Variants in KLHL22 observed in about 807,000 individuals in gnomAD.
The protein encoded by KLHL22 is kelch like family member 22, also known as kelch-like protein 22.
Under a neutral mutation model 60.7 loss-of-function variants are expected in KLHL22, and 18 were observed. That is an observed-to-expected ratio of 0.30 (90% CI 0.20 to 0.44). KLHL22 has a LOEUF of 0.44. Among genes scored for constraint, KLHL22 ranks in the 20% least tolerant of loss-of-function variants. The pLI, the probability that KLHL22 is intolerant of heterozygous loss-of-function variation, is 1.00. For missense variants in KLHL22, 596 were observed against 852.3 expected (o/e 0.70, Z 3.74); for synonymous variants, 355 against 354.5 (o/e 1.00, Z -0.01).
intron 5 of KLHL22, chr22:20,450,503 A>C: frequency 6.2e-7 from 1 of 1,614,128 alleles, no homozygotes; most frequent in Non-Finnish European, 8.5e-7. Flanking sequence ...TTAGAAAGTC[A>C]GTTGGACCCT....
intron 5 of KLHL22, chr22:20,451,850 T>TGTTGG (rs1569124372): frequency 1.3e-6 from 2 of 1,588,054 alleles, no homozygotes; most frequent in East Asian, 2.2e-5. Context: ...CATCCAGAGC[T>TGTTGG]AGTGACCAGT....
intron 4 of KLHL22, among the ~76,000 whole-genome samples, chr22:20,459,035 G>T (rs934570854): frequency 2.6e-5 from 4 of 152,176 alleles, no homozygotes; most frequent in East Asian, 1.9e-4. Context: ...CCAACAGGGA[G>T]CATGGCCTGC....
At chr22:20,455,447 C>G (rs997897618) in intron 5 of KLHL22, among the ~76,000 whole-genome samples, 1 of 152,222 alleles carries the variant, frequency 6.6e-6, no homozygotes, top group African/African-American at 2.4e-5. Flanking sequence ...AGCCCCTCTC[C>G]TGCCCTGGAA....
chr22:20,465,624 C>G lies in KLHL22; in HGVS notation c.394-48G>C. 1 of 929,134 alleles carries G rather than the reference C, an allele frequency of 1.1e-6. No homozygotes were observed. Among genetic ancestry groups the G allele is most frequent in the Middle Eastern group, 2.1e-4 (1 of 4,764 alleles). The allele number at this position is 929,134 out of a possible 1,614,324, so 57.6% of individuals were successfully genotyped here. A position where few individuals can be genotyped will look rare whatever the true frequency, so the allele number is the denominator to read the frequency against. On this transcript the variant is annotated intron_variant, in intron 3 of 6. Transcript: ENST00000328879. This position sits in a 1 kb window ranked among gnomAD's most constrained non-coding sequence, Gnocchi z 4.9. ...TCAAGCCTGGGCTGGTGAACAGCAT[C>G]TGGGGGTGGGAGAGAGAATGATGGC...
At chr22:20,466,599 C>T (rs543884662) in intron 3 of KLHL22, among the ~76,000 whole-genome samples, 21 of 152,270 alleles carry the variant, frequency 1.4e-4, no homozygotes, top group African/African-American at 5.1e-4. Context: ...CCTAGAAGTG[C>T]TCAGAGCCTC....
chr22:20,458,273 CTTTTTTTT>C (rs35379911), intron 4 of KLHL22, among the ~76,000 whole-genome samples: 5 of 76,512 alleles, frequency 6.5e-5, no homozygotes, highest in African/African-American at 1.2e-4. Flanking sequence ...TCCAATGGCT[CTTTTTTTT>C]TTTTTTTTTT....
chr22:20,458,067 T>A (rs2053092224), intron 4 of KLHL22, 67 bp from the exon 5 acceptor site: 1 of 1,549,202 alleles, frequency 6.5e-7, no homozygotes, highest in Admixed American at 1.8e-5. Context: ...GGCTTGCACC[T>A]CTTGTTCTGG....
chr22:20,489,898 G>A (rs2053655363), intron 1 of KLHL22: 1 of 423,102 alleles, frequency 2.4e-6, no homozygotes, highest in South Asian at 1.7e-5. Flanking sequence ...TGAACCTGAT[G>A]CATTTAAATT....
rs1275722165 is a variant in KLHL22, at chr22:20,453,073, T to G, written c.1305+4735A>C. On this transcript the variant is annotated intron_variant, in intron 5 of 6. Coordinates refer to ENST00000328879, the MANE Select transcript of KLHL22 (RefSeq NM_032775.4). ...TTCAATGTTCCTCTGTGTCATGGAG[T>G]GAAATTCTTGTTTTATGGGTATTGG... Among the ~76,000 whole-genome samples, 5 of 152,140 alleles carry G rather than the reference T, an allele frequency of 3.3e-5. No individual in the cohort carries two copies. In the East Asian group the frequency reaches 9.6e-4, roughly 29 times the overall value.
rs559573125 is a variant in KLHL22, at chr22:20,451,569, A to G, written c.1306-4893T>C. The G allele has an allele frequency of 6.2e-5, 99 of 1,596,776 alleles. No homozygotes were observed. In the East Asian group the frequency reaches 2.2e-3, roughly 36 times the overall value. On this transcript the variant is annotated intron_variant, in intron 5 of 6. Coordinates refer to ENST00000328879, the MANE Select transcript of KLHL22 (RefSeq NM_032775.4). ...ATGTGGTGGGGAGATTTGATGGTACAGCCCACCTTTCTTCCGTTGAAGCAT... is the reference window on the plus strand; with the variant it reads ...ATGTGGTGGGGAGATTTGATGGTACGGCCCACCTTTCTTCCGTTGAAGCAT...
Position 20,479,719 on chromosome 22 carries a change from C to A in KLHL22, c.228-8204G>T, listed in dbSNP as rs1359438021. Among the ~76,000 whole-genome samples, 5 of 152,148 alleles carry A rather than the reference C, an allele frequency of 3.3e-5. No homozygotes were observed. The East Asian group carries it at 9.7e-4, about 29-fold the overall frequency. ...TCAAAAAACAAAACAAACAAAAAAC[C>A]AGAAAATAACAAGCTTTAGCAAGGA... On this transcript the variant is annotated intron_variant, in intron 2 of 6. Coordinates refer to ENST00000328879, the MANE Select transcript of KLHL22 (RefSeq NM_032775.4).
chr22:20,451,005 C>A, intron 5 of KLHL22: 2 of 1,541,366 alleles, frequency 1.3e-6, no homozygotes, highest in South Asian at 1.1e-5. Context: ...AGTCTCCCAT[C>A]GATGCAGTAG....
chr22:20,447,544 CTTTT>C (rs11463939), intron 5 of KLHL22, among the ~76,000 whole-genome samples: 7 of 135,436 alleles, frequency 5.2e-5, no homozygotes, highest in African/African-American at 1.6e-4. Context: ...GGAGGTTTTT[CTTTT>C]TTTTTTTTTT....
At position 20,464,948 on chromosome 22, in the gene KLHL22, T is replaced by C. The variant is rs1172960193; in HGVS notation, c.1022A>G (p.Asn341Ser). 4 of 1,604,924 alleles carry C rather than the reference T, an allele frequency of 2.5e-6. No homozygotes were observed. The highest frequency in any genetic ancestry group is 3.4e-6 in the Non-Finnish European group (4 of 1,175,614). The part of the protein sequence containing the change: ...FTASLAPRMS[N>S]QGIAVLNNFV... Reference sequence around the variant, plus strand: ...GTTGTTGAGCACCGCGATGCCCTGGTTGGACATGCGGGGGGCCAGGGAGGC... The same window carrying C: ...GTTGTTGAGCACCGCGATGCCCTGGCTGGACATGCGGGGGGCCAGGGAGGC... Residue 341 changes from asparagine to serine, a missense_variant, in exon 4 of 7, where the codon AAC (asparagine) becomes AGC (serine). Asn to Ser is a conservative substitution (Grantham distance 46). Transcript: ENST00000328879.
intron 6 of KLHL22, 84 bp downstream of exon 6, chr22:20,446,359 C>A: frequency 1.2e-6 from 1 of 837,862 alleles, no homozygotes; most frequent in Non-Finnish European, 2.0e-6. Flanking sequence ...TTAAAAGGCA[C>A]ATGATTCAAT....
intron 4 of KLHL22, among the ~76,000 whole-genome samples, chr22:20,459,178 G>T (rs2053115111): frequency 6.6e-6 from 1 of 152,232 alleles, no homozygotes; most frequent in South Asian, 2.1e-4. Flanking sequence ...TTTTATTTCT[G>T]CAGAGGAAGA....
intron 2 of KLHL22, chr22:20,483,771 AT>A: frequency 1.4e-6 from 1 of 739,460 alleles, no homozygotes. Context: ...GTGCTTCTGG[AT>A]TTTGCTCTCC....
At chr22:20,477,476 C>T (rs975592014) in intron 2 of KLHL22, among the ~76,000 whole-genome samples, 6 of 151,982 alleles carry the variant, frequency 3.9e-5, no homozygotes, top group Admixed American at 3.3e-4. Context: ...CATGGTGGCA[C>T]GCATCCATAA....
At chr22:20,458,048 T>C in intron 4 of KLHL22, 48 bp from the exon 5 acceptor site, 1 of 1,599,048 alleles carries the variant, frequency 6.3e-7, no homozygotes, top group Non-Finnish European at 8.5e-7. Context: ...GCAGGGAGGC[T>C]GCTCCGCAGG....
Sources: allele counts gnomAD v4.1 joint callset (sites outside exome capture counted in the v4.1 genomes callset), GRCh38; gene constraint gnomAD v4.1.1; non-coding constraint Gnocchi (gnomAD v3.1); transcripts MANE v1.5; gene names NCBI Gene and HGNC (gene_info 2026-07-23, HGNC 2026-07-21).